SUCLG2: variants seen among roughly 807,000 people sequenced by gnomAD.
SUCLG2 encodes succinate-CoA ligase GDP-forming subunit beta, also known as succinate--CoA ligase [GDP-forming] subunit beta, mitochondrial.
SUCLG2 carries 42 observed loss-of-function variants against 47.9 expected under a neutral mutation model. That is an observed-to-expected ratio of 0.88 (90% confidence interval 0.69 to 1.14). The LOEUF is 1.14. Ranked by LOEUF, SUCLG2 falls within the 50% of genes most tolerant of loss-of-function variation. The pLI is 0.00. For missense variants in SUCLG2, 571 were observed against 525.9 expected (o/e 1.09, Z -0.84); for synonymous variants, 195 against 197.3 (o/e 0.99, Z 0.10).
intron 2 of SUCLG2, among the ~76,000 whole-genome samples, chr3:67,585,927 A>C (rs1049023905): frequency 7.2e-6 from 1 of 138,830 alleles, no homozygotes; most frequent in African/African-American, 2.7e-5. Context: ...AGATCATGCC[A>C]CTGCACTCCA....
At chr3:67,618,779 A>T (rs941268415) in intron 1 of SUCLG2, among the ~76,000 whole-genome samples, 5 of 152,228 alleles carry the variant, frequency 3.3e-5, no homozygotes, top group African/African-American at 1.2e-4. Flanking sequence ...ACAAATTGGT[A>T]ATAATAATAA....
intron 9 of SUCLG2, among the ~76,000 whole-genome samples, chr3:67,449,814 A>G (rs1390731086): frequency 1.3e-5 from 2 of 151,970 alleles, no homozygotes; most frequent in South Asian, 2.1e-4. Flanking sequence ...TGGTTTTGCC[A>G]TGTTGGCCAG....
At chr3:67,389,551 T>C (rs1702334383) in intron 10 of SUCLG2, among the ~76,000 whole-genome samples, 1 of 152,224 alleles carries the variant, frequency 6.6e-6, no homozygotes, top group African/African-American at 2.4e-5. Flanking sequence ...AGTTGCCAAC[T>C]ACAGGGACCT....
Position 67,375,791 on chromosome 3 carries a change from G to T in SUCLG2, c.1252C>A (p.Leu418Met), listed in dbSNP as rs769849368. The T allele has an allele frequency of 5.6e-6, 9 of 1,613,896 alleles. No individual in the cohort carries two copies. In the East Asian group the frequency reaches 2.0e-4, roughly 36 times the overall value. ...ACAGCCTTCTTGGCTGCATCCTCCA[G>T]GTCAATGGCTGAAGTAATGGGGAGT... ...SGLPITSAID[L>M]EDAAKKAVAS... Residue 418 changes from leucine to methionine, a missense_variant, in exon 11 of 11, where the codon CTG (leucine) becomes ATG (methionine). Coordinates refer to ENST00000307227, the MANE Select transcript of SUCLG2 (RefSeq NM_003848.4).
chr3:67,400,634 C>T (rs374285525), intron 10 of SUCLG2, 97 bp downstream of exon 10: 170 of 1,516,254 alleles, frequency 1.1e-4, no homozygotes, highest in Middle Eastern at 9.8e-4. Context: ...TCTAGTGTTT[C>T]GTTCTGTTAT....
chr3:67,360,823 G>A (rs1701793477), intron 10 of SUCLG2: 2 of 1,365,654 alleles, frequency 1.5e-6, no homozygotes, highest in South Asian at 2.9e-5. Flanking sequence ...ATATTTAGAT[G>A]AACAACAACA....
At chr3:67,422,809 G>A (rs542731366) in intron 9 of SUCLG2, among the ~76,000 whole-genome samples, 6 of 152,084 alleles carry the variant, frequency 3.9e-5, no homozygotes, top group Admixed American at 6.5e-5. Context: ...GGCAACTGAC[G>A]GATAGGGCAT....
intron 2 of SUCLG2, among the ~76,000 whole-genome samples, chr3:67,598,632 A>G (rs1075642): frequency 0.055 from 8,358 of 152,234 alleles, 715 homozygotes; most frequent in African/African-American, 0.18. Context: ...TGTAAGGAAT[A>G]TGTTTCCTCT....
intron 10 of SUCLG2, among the ~76,000 whole-genome samples, chr3:67,400,246 A>G (rs1552629): frequency 0.42 from 64,021 of 151,452 alleles, 13,842 homozygotes; most frequent in Middle Eastern, 0.54. Flanking sequence ...TATAATACAT[A>G]TGATATATAA....
intron 6 of SUCLG2, 65 bp from the exon 7 acceptor site, chr3:67,508,968 T>A: frequency 8.1e-7 from 1 of 1,232,578 alleles, no homozygotes; most frequent in Non-Finnish European, 1.2e-6. Flanking sequence ...TTTGCTGGAT[T>A]AATGAAACCT....
At chr3:67,573,009 T>C (rs374736283) in intron 2 of SUCLG2, among the ~76,000 whole-genome samples, 8 of 152,218 alleles carry the variant, frequency 5.3e-5, no homozygotes, top group African/African-American at 1.7e-4. Context: ...AGATCAATTG[T>C]ATTTCAACAT....
At chr3:67,502,488 A>G (rs907727435) in intron 7 of SUCLG2, among the ~76,000 whole-genome samples, 1 of 152,212 alleles carries the variant, frequency 6.6e-6, no homozygotes, top group African/African-American at 2.4e-5. Context: ...AGCCTTGTCT[A>G]TACAATGGGG....
rs371772361 is a variant in SUCLG2, at chr3:67,507,547, C to A, written c.757+1260G>T. Among the ~76,000 whole-genome samples the A allele has an allele frequency of 2.7e-4, 40 of 150,828 alleles. No individual in the cohort carries two copies. The South Asian group carries it at 8.4e-3, about 32-fold the overall frequency. ...AAAAGATTGAAAAAAAAAAAAAAGA[C>A]CTGAAACTTAGGCAGGCTAAATAAC... On this transcript the variant is annotated intron_variant, in intron 7 of 10. Transcript: ENST00000307227.
chr3:67,544,697 T>C lies in SUCLG2; in HGVS notation c.227-15511A>G, dbSNP rs78743291. Among the ~76,000 whole-genome samples, 392 of 152,274 alleles carry C rather than the reference T, an allele frequency of 2.6e-3. 11 individuals are homozygous for C. The East Asian group carries it at 0.07, about 27-fold the overall frequency. ...AAGATGGGACTGGAGAGCAAGGACA[T>C]GGAGTGAAAAACAACTAAAAAAAGG... On this transcript the variant is annotated intron_variant, in intron 2 of 10. Transcript: ENST00000307227.
chr3:67,575,182 A>C (rs1046652336), intron 2 of SUCLG2, among the ~76,000 whole-genome samples: 2 of 152,218 alleles, frequency 1.3e-5, no homozygotes, highest in Admixed American at 1.3e-4. Context: ...AATATCATCC[A>C]ATAATTCCAA....
intron 1 of SUCLG2, among the ~76,000 whole-genome samples, chr3:67,625,325 C>A (rs1700807715): frequency 6.6e-6 from 1 of 152,126 alleles, no homozygotes; most frequent in African/African-American, 2.4e-5. Flanking sequence ...CAAATATCAA[C>A]CACCATGACC....
At chr3:67,448,007 G>C (rs1433301854) in intron 9 of SUCLG2, among the ~76,000 whole-genome samples, 1 of 152,186 alleles carries the variant, frequency 6.6e-6, no homozygotes, top group Non-Finnish European at 1.5e-5. Context: ...GGGATTACAA[G>C]CATGACCCAC....
chr3:67,399,905 G>A (rs1359054616), intron 10 of SUCLG2, among the ~76,000 whole-genome samples: 1 of 152,170 alleles, frequency 6.6e-6, no homozygotes, highest in Admixed American at 6.5e-5. Flanking sequence ...CCCTGGCTAG[G>A]TGTGGTAGCT....
chr3:67,599,081 AC>A (rs1364924882), intron 2 of SUCLG2, among the ~76,000 whole-genome samples: 2 of 152,216 alleles, frequency 1.3e-5, no homozygotes, highest in Non-Finnish European at 2.9e-5. Context: ...TAAACCTTAT[AC>A]ACAGCATGAT....
Sources: gnomAD v4.1 joint callset for allele counts (sites outside exome capture counted in the v4.1 genomes callset) on GRCh38, gnomAD v4.1.1 for gene constraint, MANE v1.5 for transcripts, NCBI Gene and HGNC (gene_info 2026-07-23, HGNC 2026-07-21) for gene names.